GSDMC: variants seen among roughly 807,000 people sequenced by gnomAD.
GSDMC encodes gasdermin C.
Under a neutral mutation model 58.0 loss-of-function variants are expected in GSDMC, and 59 were observed. That is an observed-to-expected ratio of 1.02 (90% CI 0.82 to 1.26). GSDMC has a LOEUF of 1.26. GSDMC is among the 50% of genes most tolerant of loss of function. GSDMC has a pLI of 0.00. For missense variants in GSDMC, 659 were observed against 598.5 expected (o/e 1.10, Z -1.06); for synonymous variants, 241 against 220.2 (o/e 1.09, Z -0.83).
chr8:129,751,546 C>T lies in GSDMC; in HGVS notation c.939G>A (p.Trp313Ter). ...LPVGRIEEPF[W>*]QNFKHLQEEV... ...TCCCCCTTAATAAATACTTACTTTG[C>T]CAGAAGGGTTCCTCTATTCTTCCTA... is the stretch of plus-strand genomic sequence containing the variant. The change falls in exon 10 of 14, where the codon TGG (tryptophan) becomes TGA (stop). Residue 313 changes from tryptophan to a stop codon, truncating the protein, a stop_gained. Coordinates refer to ENST00000276708, the MANE Select transcript of GSDMC (RefSeq NM_031415.3). LOFTEE classifies it high-confidence loss of function. 6.2e-7 allele frequency: 1 copy of T among 1,611,414 alleles called. No individual in the cohort carries two copies. The highest frequency in any genetic ancestry group is 2.2e-5 in the East Asian group (1 of 44,720).
In GSDMC at chr8:129,750,491, C is replaced by T. The variant is rs756843173; in HGVS notation, c.1023G>A (p.Met341Ile). Residue 341 changes from methionine to isoleucine, a missense_variant, in exon 11 of 14, where the codon ATG becomes ATA. Physicochemically the swap from Met to Ile is conservative, Grantham distance 10 (BLOSUM62 1). Coordinates refer to ENST00000276708, the MANE Select transcript of GSDMC (RefSeq NM_031415.3). Reference protein sequence around the residue: ...AQLSKDVQDVMFYSILAMLRD... With the variant: ...AQLSKDVQDVIFYSILAMLRD... ...TGAGCATGGCCAGGATACTGTAGAA[C>T]ATGACATCCTGAACATCCTTTGAGA... The T allele has an allele frequency of 3.1e-5, 50 of 1,613,614 alleles. No homozygotes were observed. The highest frequency in any genetic ancestry group is 4.2e-5 in the Non-Finnish European group (49 of 1,179,640).
chr8:129,754,516 CTA>C (rs2033352328), intron 6 of GSDMC, among the ~76,000 whole-genome samples: 1 of 152,036 alleles, frequency 6.6e-6, no homozygotes, highest in Non-Finnish European at 1.5e-5. Context: ...CCTGAGAAGA[CTA>C]AAATAAATAC....
chr8:129,738,186 T>C, the GSDMC span, among the ~76,000 whole-genome samples: 1 of 152,196 alleles, frequency 6.6e-6, no homozygotes, highest in South Asian at 2.1e-4. Flanking sequence ...GGAGAGGATG[T>C]GGAGAAATAG....
At chr8:129,723,172 T>C in the GSDMC span, 2 of 152,228 alleles carry the variant, frequency 1.3e-5, no homozygotes, top group African/African-American at 4.8e-5. Context: ...CCCAGGGTCT[T>C]CTGACCTTGA....
chr8:129,783,594 GA>G (rs1176256730), intron 1 of GSDMC, among the ~76,000 whole-genome samples: 3 of 151,928 alleles, frequency 2.0e-5, no homozygotes, highest in Admixed American at 6.6e-5. Flanking sequence ...AACTGAAGAG[GA>G]CACAAAAAAT....
At chr8:129,737,028 C>G in the GSDMC span, among the ~76,000 whole-genome samples, 38 of 152,306 alleles carry the variant, frequency 2.5e-4, no homozygotes, top group Middle Eastern at 6.8e-3. Context: ...CATGAATGAA[C>G]TCCCATTCAC....
At chr8:129,730,334 T>A in the GSDMC span, 343 of 1,343,918 alleles carry the variant, frequency 2.6e-4, no homozygotes, top group African/African-American at 4.1e-3. Context: ...AGTCACTGCA[T>A]GATCTTGAAA....
the GSDMC span, among the ~76,000 whole-genome samples, chr8:129,732,624 C>T: frequency 1.7e-3 from 262 of 152,266 alleles, 8 homozygotes; most frequent in East Asian, 0.043. Context: ...GTATGGATTG[C>T]AAGGAAGCTC....
chr8:129,767,649 C>A (rs1388793237), intron 3 of GSDMC, among the ~76,000 whole-genome samples: 1 of 152,138 alleles, frequency 6.6e-6, no homozygotes, highest in Non-Finnish European at 1.5e-5. Context: ...AAGTTCCCAG[C>A]CAGTGACCCA....
rs989774478 is a variant in GSDMC at position 129,786,533 on chromosome 8, A to T, written c.-527T>A. On this transcript the variant is annotated 5_prime_UTR_variant, in exon 1 of 14. Coordinates refer to ENST00000276708, the MANE Select transcript of GSDMC (RefSeq NM_031415.3). ...GCACAGGAGGGCCCTGTTCATTTCC[A>T]GAAGAGTAAGTCTGGAACTAGTTCT... The T allele has an allele frequency of 6.6e-6, 1 of 152,178 alleles. No homozygotes were observed. The highest frequency in any genetic ancestry group is 2.4e-5 in the African/African-American group (1 of 41,420). The allele number at this position is 152,178 out of a possible 1,614,324, so 9.4% of individuals were successfully genotyped here. A position where few individuals can be genotyped will look rare whatever the true frequency, so the allele number is the denominator to read the frequency against.
the GSDMC span, among the ~76,000 whole-genome samples, chr8:129,710,069 G>A: frequency 6.6e-6 from 1 of 152,216 alleles, no homozygotes. Flanking sequence ...ATGAATGCAA[G>A]CATAAATGAT....
chr8:129,723,557 C>T, the GSDMC span, among the ~76,000 whole-genome samples: 2 of 152,074 alleles, frequency 1.3e-5, no homozygotes, highest in East Asian at 1.9e-4. Flanking sequence ...TGAGCCACCG[C>T]GCCTGGCCGC....
the GSDMC span, among the ~76,000 whole-genome samples, chr8:129,710,075 A>G: frequency 6.6e-6 from 1 of 152,372 alleles, no homozygotes; most frequent in East Asian, 1.9e-4. Context: ...GCAAGCATAA[A>G]TGATAAATGA....
downstream of GSDMC, among the ~76,000 whole-genome samples, chr8:129,746,337 T>C (rs912821696): frequency 2.0e-5 from 3 of 152,040 alleles, no homozygotes; most frequent in Non-Finnish European, 4.4e-5. Context: ...AACTGATGAA[T>C]TGGAAAGTAA....
chr8:129,719,504 C>G, the GSDMC span, among the ~76,000 whole-genome samples: 2 of 152,150 alleles, frequency 1.3e-5, no homozygotes, highest in African/African-American at 2.4e-5. Context: ...AAGACTTGAT[C>G]AATACTATCA....
chr8:129,771,509 C>A lies in GSDMC; in HGVS notation c.404+4593G>T, dbSNP rs79406067. On this transcript the variant is annotated intron_variant, in intron 3 of 13. Coordinates refer to ENST00000276708, the MANE Select transcript of GSDMC (RefSeq NM_031415.3). ...AATGGCACAAAACTAGAAACAATAACAAGGAATTTCAGAAAATTCACAAAT... is the reference window on the plus strand; with the variant it reads ...AATGGCACAAAACTAGAAACAATAAAAAGGAATTTCAGAAAATTCACAAAT... 4.5e-3 allele frequency among the ~76,000 whole-genome samples: 682 copies of A among 152,164 alleles called. 6 individuals are homozygous for A. The highest frequency in any genetic ancestry group is 0.014 in the African/African-American group (588 of 41,538).
In GSDMC at chr8:129,765,737, T is replaced by G. The variant is rs766304265; in HGVS notation, c.461A>C (p.Asn154Thr). 6.2e-7 allele frequency: 1 copy of G among 1,613,304 alleles called. No homozygotes were observed. Among genetic ancestry groups the G allele is most frequent in the African/African-American group, 1.3e-5 (1 of 74,990 alleles). The part of the protein sequence containing the change: ...FLKECRRRGD[N>T]LYVVTEAVEL... The stretch of plus-strand genomic sequence containing the variant: ...AACAGCCTCTGTCACCACGTACAGG[T>G]TGTCCCCTCTCCTCCGGCACTCCTT... Residue 154 changes from asparagine to threonine, a missense_variant, in exon 4 of 14, where the codon AAC becomes ACC. By Grantham distance (65) the Asn-to-Thr change is moderately conservative (BLOSUM62 0). Transcript: ENST00000276708.
At chr8:129,717,141 T>G in the GSDMC span, among the ~76,000 whole-genome samples, 6,511 of 152,188 alleles carry the variant, frequency 0.043, 488 homozygotes, top group African/African-American at 0.15. Context: ...TAAAATGAGT[T>G]AAGGAGGAGC....
intron 4 of GSDMC, among the ~76,000 whole-genome samples, chr8:129,765,094 A>G (rs1479316917): frequency 2.0e-5 from 3 of 152,196 alleles, no homozygotes; most frequent in Admixed American, 1.3e-4. Context: ...CCCATACTTA[A>G]TCTGAATAGT....
Sources: gnomAD v4.1 joint callset for allele counts (sites outside exome capture counted in the v4.1 genomes callset) on GRCh38, gnomAD v4.1.1 for gene constraint, MANE v1.5 for transcripts, NCBI Gene and HGNC (gene_info 2026-07-23, HGNC 2026-07-21) for gene names.